Variants in BRIP1 observed in about 807,000 individuals in gnomAD.
BRIP1 encodes the protein BRCA1 interacting DNA helicase 1.
BRIP1 carries 88 observed loss-of-function variants against 119.7 expected under a neutral mutation model. The observed-to-expected ratio is 0.74, with a 90% confidence interval of 0.62 to 0.88. BRIP1 has a LOEUF of 0.88. BRIP1 is among the 40% of genes least tolerant of loss of function. The pLI, the probability that BRIP1 is intolerant of heterozygous loss-of-function variation, is 0.00. For synonymous variants in BRIP1, 443 were observed against 496.5 expected, an observed-to-expected ratio of 0.89 and a Z score of 1.43; for missense variants, 1,259 against 1,455.4, an observed-to-expected ratio of 0.87 and a Z score of 2.20.
Position 61,735,390 on chromosome 17 carries a change from G to T in BRIP1, c.2379+7623C>A, listed in dbSNP as rs567636698. Among the ~76,000 whole-genome samples, 1 of 152,032 alleles carries T rather than the reference G, an allele frequency of 6.6e-6. No homozygotes were observed. The highest frequency in any genetic ancestry group is 1.5e-5 in the Non-Finnish European group (1 of 67,974). ...TAAGACTCTGTATTGGCTGACTGGG[G>T]CTAGAGAGCTTCCTATTGGCCTCTG... On this transcript the variant is annotated intron_variant, in intron 16 of 19. Transcript: ENST00000259008. The surrounding 1 kb of genome is among the most constrained non-coding windows in gnomAD (Gnocchi z 4.4).
rs913245203 is a variant in BRIP1, at chr17:61,806,420, C to T, written c.918+2047G>A. On this transcript the variant is annotated intron_variant, in intron 7 of 19. Transcript: ENST00000259008. This position sits in a 1 kb window ranked among gnomAD's most constrained non-coding sequence, Gnocchi z 4.9. ...GGCAGAATTAGGTCAAGACAAACCA[C>T]AAGCAGATATCTTCAATTATTCATA... Among the ~76,000 whole-genome samples, 3 of 152,128 alleles carry T rather than the reference C, an allele frequency of 2.0e-5. No homozygotes were observed. The highest frequency in any genetic ancestry group is 6.6e-5 in the Admixed American group (1 of 15,244).
Position 61,706,323 on chromosome 17 carries a change from T to C in BRIP1, c.2492+9628A>G, listed in dbSNP as rs2061689883. On this transcript the variant is annotated intron_variant, in intron 17 of 19. Transcript: ENST00000259008. This position sits in a 1 kb window ranked among gnomAD's most constrained non-coding sequence, Gnocchi z 5.7. ...TCTCAAACAGCTACTCCACATATTC[T>C]GTCTAGGTTTTTTAGACTACTAAAT... Among the ~76,000 whole-genome samples, 1 of 152,222 alleles carries C rather than the reference T, an allele frequency of 6.6e-6. No individual in the cohort carries two copies. Among genetic ancestry groups the C allele is most frequent in the African/African-American group, 2.4e-5 (1 of 41,474 alleles).
At position 61,768,380 on chromosome 17, in the gene BRIP1, T is replaced by C. The variant is rs906048180; in HGVS notation, c.2097+8021A>G. ...TATATGGAATTAGGCTGTATTGCTCTACGGGAAATCACAGGAATTTTAGTT... is the reference window on the plus strand; with the variant it reads ...TATATGGAATTAGGCTGTATTGCTCCACGGGAAATCACAGGAATTTTAGTT... On this transcript the variant is annotated intron_variant, in intron 14 of 19. Transcript: ENST00000259008. The surrounding 1 kb of genome is among the most constrained non-coding windows in gnomAD (Gnocchi z 5.0). Among the ~76,000 whole-genome samples, 1 of 152,198 alleles carries C rather than the reference T, an allele frequency of 6.6e-6. No individual in the cohort carries two copies. Among genetic ancestry groups the C allele is most frequent in the African/African-American group, 2.4e-5 (1 of 41,460 alleles).
At position 61,834,117 on chromosome 17, in the gene BRIP1, A is replaced by G. The variant is rs1355366006; in HGVS notation, c.627+12984T>C. On this transcript the variant is annotated intron_variant, in intron 6 of 19. Transcript: ENST00000259008. This position sits in a 1 kb window ranked among gnomAD's most constrained non-coding sequence, Gnocchi z 4.4. ...GTCATAGTTTGCCAACCACTGGCAT[A>G]GGAAAAAAGATTACGACAAAAAAGT... Among the ~76,000 whole-genome samples, 1 of 152,200 alleles carries G rather than the reference A, an allele frequency of 6.6e-6. No individual in the cohort carries two copies. Among genetic ancestry groups the G allele is most frequent in the Non-Finnish European group, 1.5e-5 (1 of 68,034 alleles).
chr17:61,787,041 T>A (rs1305773872), intron 10 of BRIP1, among the ~76,000 whole-genome samples: 5 of 116,236 alleles, frequency 4.3e-5, no homozygotes, highest in Non-Finnish European at 8.0e-5. Context: ...TAAATTTATA[T>A]AAATTTATAT....
At position 61,762,820 on chromosome 17, in the gene BRIP1, A is replaced by C. The variant is rs2077297143; in HGVS notation, c.2097+13581T>G. Among the ~76,000 whole-genome samples, 1 of 152,128 alleles carries C rather than the reference A, an allele frequency of 6.6e-6. No homozygotes were observed. Among genetic ancestry groups the C allele is most frequent in the Non-Finnish European group, 1.5e-5 (1 of 68,002 alleles). On this transcript the variant is annotated intron_variant, in intron 14 of 19. Transcript: ENST00000259008. The surrounding 1 kb of genome is among the most constrained non-coding windows in gnomAD (Gnocchi z 4.3). ...CATTATAAAAAACTGAATGGACATT[A>C]CTCAAAACACTCAAAACAGAATTAC... is the stretch of plus-strand genomic sequence containing the variant.
chr17:61,780,548 T>A lies in BRIP1; in HGVS notation c.1795-147A>T. Reference sequence around the variant, plus strand: ...TCTGAGACCAGCCTGGGCAATATGGTGAAACCCCGTCTCTACAAAAAATAC... The same window carrying A: ...TCTGAGACCAGCCTGGGCAATATGGAGAAACCCCGTCTCTACAAAAAATAC... On this transcript the variant is annotated intron_variant, in intron 12 of 19. Coordinates refer to ENST00000259008, the MANE Select transcript of BRIP1 (RefSeq NM_032043.3). The surrounding 1 kb of genome is among the most constrained non-coding windows in gnomAD (Gnocchi z 5.4). 1 of 776,190 alleles carries A rather than the reference T, an allele frequency of 1.3e-6. No homozygotes were observed. Among genetic ancestry groups the A allele is most frequent in the South Asian group, 1.6e-5 (1 of 62,540 alleles). 48.1% of individuals were successfully genotyped at this position (776,190 alleles called of 1,614,324 possible).
At chr17:61,692,385 A>G (rs181348930) in intron 18 of BRIP1, among the ~76,000 whole-genome samples, 1 of 152,334 alleles carries the variant, frequency 6.6e-6, no homozygotes, top group African/African-American at 2.4e-5. Flanking sequence ...ATAGAATGGG[A>G]GAAAATAATT....
chr17:61,772,516 TAC>T (rs1293308780), intron 14 of BRIP1, among the ~76,000 whole-genome samples: 1 of 151,986 alleles, frequency 6.6e-6, no homozygotes, highest in East Asian at 1.9e-4. Context: ...TACTTAATTG[TAC>T]ACACACAAAA....
Position 61,794,137 on chromosome 17 carries a change from TATAA to T in BRIP1, c.1341-412_1341-409del, listed in dbSNP as rs1452038310. On this transcript the variant is annotated intron_variant, in intron 9 of 19. Transcript: ENST00000259008. The surrounding 1 kb of genome is among the most constrained non-coding windows in gnomAD (Gnocchi z 4.3). ...CAAAAAAGAGAATTACTAGAAAATA[TATAA>T]ATACATTCATTGATATATATACACA... 1.3e-5 allele frequency among the ~76,000 whole-genome samples: 2 copies of T among 152,122 alleles called. No individual in the cohort carries two copies. Among genetic ancestry groups the T allele is most frequent in the African/African-American group, 2.4e-5 (1 of 41,428 alleles).
intron 17 of BRIP1, among the ~76,000 whole-genome samples, chr17:61,707,230 T>C (rs1486540184): frequency 6.6e-6 from 1 of 152,178 alleles, no homozygotes; most frequent in Non-Finnish European, 1.5e-5. Context: ...TTCTATTTTT[T>C]TGGTTTCAGT....
At chr17:61,830,554 C>A (rs1471947808) in intron 6 of BRIP1, among the ~76,000 whole-genome samples, 1 of 151,930 alleles carries the variant, frequency 6.6e-6, no homozygotes, top group African/African-American at 2.4e-5. Flanking sequence ...GAACATTATG[C>A]CAATAAATTC....
rs1239421185 is a variant in BRIP1, at chr17:61,767,902, T to G, written c.2097+8499A>C. On this transcript the variant is annotated intron_variant, in intron 14 of 19. Coordinates refer to ENST00000259008, the MANE Select transcript of BRIP1 (RefSeq NM_032043.3). This position sits in a 1 kb window ranked among gnomAD's most constrained non-coding sequence, Gnocchi z 5.7. ...TCCCACATCTACCAGTAGAAATCTATCCACCTTTCTTTAATACCCACTGAA... is the reference window on the plus strand; with the variant it reads ...TCCCACATCTACCAGTAGAAATCTAGCCACCTTTCTTTAATACCCACTGAA... Among the ~76,000 whole-genome samples the G allele has an allele frequency of 2.0e-5, 3 of 152,174 alleles. No homozygotes were observed. The highest frequency in any genetic ancestry group is 1.3e-4 in the Admixed American group (2 of 15,266).
chr17:61,849,951 C>T (rs989124792), intron 4 of BRIP1, among the ~76,000 whole-genome samples: 2 of 152,198 alleles, frequency 1.3e-5, no homozygotes, highest in Non-Finnish European at 2.9e-5. Flanking sequence ...TCCTTAATGT[C>T]TGTAACACTG....
intron 6 of BRIP1, among the ~76,000 whole-genome samples, chr17:61,836,894 G>C (rs1268706341): frequency 1.3e-5 from 2 of 152,190 alleles, no homozygotes; most frequent in Non-Finnish European, 2.9e-5. Context: ...TTCAGAGACA[G>C]AATAGTGAGG....
In BRIP1 at chr17:61,713,882, A is replaced by G. The variant is rs1033955874; in HGVS notation, c.2492+2069T>C. ...AAAATAAAAAATAAAAATTTCAAAA[A>G]TAGAAAAAGCTTATAGAATAAGGAT... is the stretch of plus-strand genomic sequence containing the variant. On this transcript the variant is annotated intron_variant, in intron 17 of 19. Coordinates refer to ENST00000259008, the MANE Select transcript of BRIP1 (RefSeq NM_032043.3). The surrounding 1 kb of genome is among the most constrained non-coding windows in gnomAD (Gnocchi z 4.9). Among the ~76,000 whole-genome samples the G allele has an allele frequency of 1.3e-5, 2 of 152,120 alleles. No homozygotes were observed. Among genetic ancestry groups the G allele is most frequent in the African/African-American group, 4.8e-5 (2 of 41,460 alleles).
rs1472940009 is a variant in BRIP1 at position 61,769,704 on chromosome 17, CA to C, written c.2097+6696del. Reference sequence around the variant, plus strand: ...AAAAATCAATTACTTTTCTGGGATCCATCTGAGAACTGAGGTCACAAGGCAA... The same window carrying C: ...AAAAATCAATTACTTTTCTGGGATCCTCTGAGAACTGAGGTCACAAGGCAA... On this transcript the variant is annotated intron_variant, in intron 14 of 19. Transcript: ENST00000259008. This position sits in a 1 kb window ranked among gnomAD's most constrained non-coding sequence, Gnocchi z 4.9. Among the ~76,000 whole-genome samples the C allele has an allele frequency of 6.6e-6, 1 of 152,100 alleles. No individual in the cohort carries two copies. Among genetic ancestry groups the C allele is most frequent in the Non-Finnish European group, 1.5e-5 (1 of 68,014 alleles).
Position 61,852,183 on chromosome 17 carries a change from C to A in BRIP1, c.380-2927G>T, listed in dbSNP as rs891545977. 2.0e-5 allele frequency among the ~76,000 whole-genome samples: 3 copies of A among 152,048 alleles called. No individual in the cohort carries two copies. Among genetic ancestry groups the A allele is most frequent in the African/African-American group, 7.2e-5 (3 of 41,386 alleles). ...ACTGCCATGTGCCAAATAAGGGTAA[C>A]CCCAATTCATAAAAATAAAAATCAT... On this transcript the variant is annotated intron_variant, in intron 4 of 19. Coordinates refer to ENST00000259008, the MANE Select transcript of BRIP1 (RefSeq NM_032043.3). The surrounding 1 kb of genome is among the most constrained non-coding windows in gnomAD (Gnocchi z 4.9).
chr17:61,820,411 T>C (rs945093552), intron 6 of BRIP1, among the ~76,000 whole-genome samples: 5 of 152,212 alleles, frequency 3.3e-5, no homozygotes, highest in Non-Finnish European at 7.3e-5. Flanking sequence ...AATTATGAGA[T>C]GAAAATCCAT....
Sources: gnomAD v4.1 joint callset for allele counts (sites outside exome capture counted in the v4.1 genomes callset) on GRCh38, gnomAD v4.1.1 for gene constraint, Gnocchi (gnomAD v3.1) non-coding constraint, MANE v1.5 for transcripts, NCBI Gene and HGNC (gene_info 2026-07-23, HGNC 2026-07-21) for gene names.